The following LMBRD2 variants were observed in gnomAD, a reference collection of about 807,000 sequenced individuals.
LMBRD2 encodes G protein-coupled receptor-associated protein LMBRD2.
A neutral mutation model predicts 94.4 loss-of-function variants in LMBRD2; 55 were observed. That is an observed-to-expected ratio of 0.58 (90% CI 0.47 to 0.73). LMBRD2 has a LOEUF of 0.73. LMBRD2 is among the 30% of genes least tolerant of loss of function. LMBRD2 has a pLI of 0.00. For synonymous variants in LMBRD2, 246 were observed against 272.4 expected (o/e 0.90, Z 0.95); for missense variants, 640 against 831.9 (o/e 0.77, Z 2.84).
At chr5:36,144,529 C>T (rs1744492482) in intron 1 of LMBRD2, among the ~76,000 whole-genome samples, 1 of 152,020 alleles carries the variant, frequency 6.6e-6, no homozygotes, top group Non-Finnish European at 1.5e-5. Context: ...ACTAAAAATA[C>T]AAAAATTAGC....
At chr5:36,147,753 G>C in intron 1 of LMBRD2, 1 of 271,860 alleles carries the variant, frequency 3.7e-6, no homozygotes, top group Non-Finnish European at 7.3e-6. Context: ...GAACTTCAGA[G>C]GTTAAGATAA....
Position 36,115,110 on chromosome 5 carries a change from G to T in LMBRD2, c.1447C>A (p.Arg483Ser). ...SLLFSGMLFC[R>S]LTPPLCLNFL... Reference sequence around the variant, plus strand: ...TTAAGACATAAAGGAGGTGTCAAACGGCAAAATAGCCTGCAACAAACATTT... The same window carrying T: ...TTAAGACATAAAGGAGGTGTCAAACTGCAAAATAGCCTGCAACAAACATTT... Residue 483 changes from arginine (R) to serine (S), a missense_variant, in exon 12 of 18, where the codon CGT becomes AGT. This residue lies in a region of LMBRD2 where 457 missense variants were observed against 642.8 expected (regional missense o/e 0.71). Transcript: ENST00000296603. 6.2e-7 allele frequency: 1 copy of T among 1,602,034 alleles called. No individual in the cohort carries two copies. The highest frequency in any genetic ancestry group is 1.1e-5 in the South Asian group (1 of 89,658).
At chr5:36,138,791 TTTTG>T (rs1227656029) in intron 4 of LMBRD2, among the ~76,000 whole-genome samples, 4 of 152,342 alleles carry the variant, frequency 2.6e-5, no homozygotes, top group East Asian at 1.9e-4. Flanking sequence ...AGACTTTCAT[TTTTG>T]TTTGTTTTCT....
At chr5:36,115,170 A>G in intron 11 of LMBRD2, 50 bp from the exon 12 acceptor site, 1 of 1,118,348 alleles carries the variant, frequency 8.9e-7, no homozygotes, top group Non-Finnish European at 1.3e-6. Context: ...GCAGCAAAAT[A>G]CATTTTATAG....
chr5:36,122,105 G>A (rs1415727081), intron 9 of LMBRD2, among the ~76,000 whole-genome samples, 175 bp downstream of exon 9: 1 of 152,116 alleles, frequency 6.6e-6, no homozygotes, highest in Non-Finnish European at 1.5e-5. Flanking sequence ...TGGATTATAT[G>A]TTATATGATA....
At chr5:36,120,772 A>G (rs989602273) in intron 9 of LMBRD2, among the ~76,000 whole-genome samples, 1 of 152,140 alleles carries the variant, frequency 6.6e-6, no homozygotes, top group Non-Finnish European at 1.5e-5. Flanking sequence ...CTAAAATCCA[A>G]TGGTCAGGTC....
chr5:36,114,909 C>A, intron 12 of LMBRD2, 106 bp downstream of exon 12: 1 of 728,428 alleles, frequency 1.4e-6, no homozygotes, highest in Non-Finnish European at 2.3e-6. Context: ...AAAATTTTAC[C>A]AATAACACTA....
chr5:36,142,720 T>C (rs1419564496), intron 2 of LMBRD2, 121 bp from the exon 3 acceptor site: 1 of 561,198 alleles, frequency 1.8e-6, no homozygotes, highest in Non-Finnish European at 3.1e-6. Flanking sequence ...TTTATTCTTT[T>C]TTTTTTTTTT....
At chr5:36,142,432 T>C in intron 3 of LMBRD2, 70 bp downstream of exon 3, 1 of 853,508 alleles carries the variant, frequency 1.2e-6, no homozygotes, top group South Asian at 1.5e-5. Context: ...GTCTGGATGG[T>C]AAAAACTTTC....
At chr5:36,129,616 G>A (rs913747376) in intron 6 of LMBRD2, among the ~76,000 whole-genome samples, 9 of 152,152 alleles carry the variant, frequency 5.9e-5, no homozygotes, top group African/African-American at 2.2e-4. Context: ...GCTAAAGGGA[G>A]TTCTTCGATC....
chr5:36,107,244 T>G (rs115381396), intron 16 of LMBRD2, among the ~76,000 whole-genome samples: 3 of 152,212 alleles, frequency 2.0e-5, no homozygotes, highest in Non-Finnish European at 4.4e-5. Flanking sequence ...TATCTGTTCA[T>G]GCACATTGTC....
intron 6 of LMBRD2, among the ~76,000 whole-genome samples, chr5:36,129,474 G>GAA (rs368442230): frequency 7.6e-6 from 1 of 132,344 alleles, no homozygotes; most frequent in African/African-American, 2.7e-5. Flanking sequence ...AATGCTGAAA[G>GAA]AAAAAAAAAA....
At position 36,114,426 on chromosome 5, in the gene LMBRD2, A is replaced by C; in HGVS notation, c.1638T>G (p.Phe546Leu). The C allele has an allele frequency of 1.3e-6, 2 of 1,558,334 alleles. No homozygotes were observed. Among genetic ancestry groups the C allele is most frequent in the Non-Finnish European group, 1.7e-6 (2 of 1,160,014 alleles). The part of the protein sequence containing the change: ...LVVILCIATY[F>L]SLGTRCLNLL... ...AAAAACAATGTTAAGTTTCTTACCT[A>C]AAATAAGTAGCAATGCAGAGAATTA... is the stretch of plus-strand genomic sequence containing the variant. Residue 546 changes from phenylalanine (F) to leucine (L), a missense_variant and splice_region_variant, in exon 13 of 18, where the codon TTT becomes TTG. Phe to Leu is a conservative substitution (Grantham distance 22, BLOSUM62 0). This residue lies in a region of LMBRD2 where 183 missense variants were observed against 189.1 expected (regional missense o/e 0.97). Coordinates refer to ENST00000296603, the MANE Select transcript of LMBRD2 (RefSeq NM_001007527.2).
Position 36,143,208 on chromosome 5 carries a change from TAAGA to T in LMBRD2, c.138_141del (p.Phe46LeufsTer67). The stretch of plus-strand genomic sequence containing the variant: ...ACATCCAGAGGCAGTATGAAGACAA[TAAGA>T]AAGCAGAGATACCAAGCAAGCAGTG... On this transcript the variant is annotated frameshift_variant, in exon 2 of 18. Transcript: ENST00000296603. LOFTEE classifies it high-confidence loss of function. 1.2e-6 allele frequency: 2 copies of T among 1,612,726 alleles called. No individual in the cohort carries two copies. Among genetic ancestry groups the T allele is most frequent in the Non-Finnish European group, 1.7e-6 (2 of 1,179,160 alleles).
intron 17 of LMBRD2, 139 bp from the exon 18 acceptor site, chr5:36,104,245 T>C: frequency 1.5e-6 from 1 of 657,454 alleles, no homozygotes; most frequent in Admixed American, 2.4e-5. Context: ...AAGCAGAAAC[T>C]TACCCTCCAA....
At chr5:36,121,358 C>T (rs1743883647) in intron 9 of LMBRD2, among the ~76,000 whole-genome samples, 1 of 152,082 alleles carries the variant, frequency 6.6e-6, no homozygotes, top group African/African-American at 2.4e-5. Context: ...TCTTCATACT[C>T]AAAACCAAAC....
chr5:36,130,719 C>G (rs1269897287), intron 6 of LMBRD2, among the ~76,000 whole-genome samples: 1 of 152,038 alleles, frequency 6.6e-6, no homozygotes, highest in Non-Finnish European at 1.5e-5. Flanking sequence ...CAACTATATG[C>G]CAATAAATTG....
intron 1 of LMBRD2, among the ~76,000 whole-genome samples, chr5:36,148,190 G>A (rs542247234): frequency 2.5e-4 from 37 of 150,878 alleles, no homozygotes; most frequent in Non-Finnish European, 4.6e-4. Context: ...AGGTATGAGA[G>A]AGTTCAGTTT....
chr5:36,144,549 T>C (rs1182419902), intron 1 of LMBRD2, among the ~76,000 whole-genome samples: 1 of 152,124 alleles, frequency 6.6e-6, no homozygotes, highest in Non-Finnish European at 1.5e-5. Flanking sequence ...CCAGGTGTGG[T>C]AGCGGGTGCC....
Sources: gnomAD v4.1 joint callset for allele counts (sites outside exome capture counted in the v4.1 genomes callset) on GRCh38, gnomAD v4.1.1 for gene constraint, gnomAD v4.1.1 regional missense constraint, MANE v1.5 for transcripts, NCBI Gene and HGNC (gene_info 2026-07-23, HGNC 2026-07-21) for gene names.